Variants in GLIS3 observed in about 807,000 individuals in gnomAD.
The protein encoded by GLIS3 is GLIS family zinc finger 3, also known as zinc finger protein GLIS3.
GLIS3 carries 53 observed loss-of-function variants against 78.6 expected under a neutral mutation model. The observed-to-expected ratio is 0.67, with a 90% CI of 0.54 to 0.85. GLIS3 has a LOEUF of 0.85. Ranked by LOEUF, GLIS3 falls within the 40% of genes least tolerant of loss-of-function variation. The pLI, the probability that GLIS3 is intolerant of heterozygous loss-of-function variation, is 0.00. For synonymous variants in GLIS3, 684 were observed against 509.9 expected (o/e 1.34, Z -4.60); for missense variants, 1,703 against 1,231.1 (o/e 1.38, Z -5.74).
At chr9:4,453,713 C>A in the GLIS3 span, among the ~76,000 whole-genome samples, 4 of 152,146 alleles carry the variant, frequency 2.6e-5, no homozygotes, top group Non-Finnish European at 4.4e-5. Flanking sequence ...ATGGATGAAG[C>A]TGGAAACCAT....
intron 2 of GLIS3, among the ~76,000 whole-genome samples, chr9:4,256,156 C>T (rs527404126): frequency 6.6e-6 from 1 of 151,808 alleles, no homozygotes; most frequent in African/African-American, 2.4e-5. Context: ...GATGAGCGAC[C>T]CCAGGTAAAG....
At chr9:4,456,825 A>G in the GLIS3 span, among the ~76,000 whole-genome samples, 5 of 152,198 alleles carry the variant, frequency 3.3e-5, no homozygotes, top group Admixed American at 2.6e-4. Flanking sequence ...GAACATACAT[A>G]TTTATCAATT....
intron 9 of GLIS3, among the ~76,000 whole-genome samples, chr9:3,829,710 G>A (rs1817937628): frequency 6.6e-6 from 1 of 152,106 alleles, no homozygotes; most frequent in Non-Finnish European, 1.5e-5. Flanking sequence ...AGTGTGTAAT[G>A]TTTTTATTAT....
At chr9:3,850,730 C>G (rs996515442) in intron 9 of GLIS3, among the ~76,000 whole-genome samples, 4 of 152,160 alleles carry the variant, frequency 2.6e-5, no homozygotes, top group Non-Finnish European at 2.9e-5. Context: ...GTTCTCCATT[C>G]TCTTCCTCCT....
intron 3 of GLIS3, 113 bp downstream of exon 3, chr9:4,125,621 T>C: frequency 3.8e-6 from 3 of 784,016 alleles, no homozygotes; most frequent in South Asian, 1.4e-5. Context: ...TGCTTGAGTG[T>C]GTAAGTGTAT....
At chr9:4,392,826 A>G in the GLIS3 span, among the ~76,000 whole-genome samples, 1 of 152,318 alleles carries the variant, frequency 6.6e-6, no homozygotes, top group Non-Finnish European at 1.5e-5. Context: ...AAGTAGAAAC[A>G]CACAAGAGTA....
At chr9:4,322,599 C>T (rs1309869120) in intron 2 of GLIS3, among the ~76,000 whole-genome samples, 1 of 152,144 alleles carries the variant, frequency 6.6e-6, no homozygotes, top group Non-Finnish European at 1.5e-5. Flanking sequence ...TAATGATTGC[C>T]ATTCTAACAG....
At chr9:4,201,185 C>G (rs1041126184) in intron 2 of GLIS3, among the ~76,000 whole-genome samples, 23 of 152,110 alleles carry the variant, frequency 1.5e-4, no homozygotes, top group African/African-American at 5.5e-4. Flanking sequence ...GAACATACCT[C>G]AAAATAATCA....
intron 4 of GLIS3, among the ~76,000 whole-genome samples, chr9:4,033,003 G>A (rs1293826508): frequency 3.9e-5 from 6 of 152,016 alleles, no homozygotes; most frequent in Non-Finnish European, 5.9e-5. Flanking sequence ...ACAGGCGCCC[G>A]CCACCACGCC....
In GLIS3 at chr9:3,968,093, T is replaced by G. The variant is rs187023929; in HGVS notation, c.1711-30904A>C. 1.1e-3 allele frequency among the ~76,000 whole-genome samples: 174 copies of G among 152,338 alleles called. 1 individual carries two copies. The highest frequency in any genetic ancestry group is 2.1e-3 in the Non-Finnish European group (146 of 68,034). On this transcript the variant is annotated intron_variant, in intron 4 of 10. Coordinates refer to ENST00000381971, the MANE Select transcript of GLIS3 (RefSeq NM_001042413.2). ...CGAAGGTGTGGGCTAAAATACGATGTGGATTCTTGAGATCTCTGGGTTATA... is the reference window on the plus strand; with the variant it reads ...CGAAGGTGTGGGCTAAAATACGATGGGGATTCTTGAGATCTCTGGGTTATA...
intron 2 of GLIS3, among the ~76,000 whole-genome samples, chr9:4,311,175 G>A (rs1349364458): frequency 3.3e-5 from 5 of 152,226 alleles, no homozygotes; most frequent in Admixed American, 1.3e-4. Context: ...TTGGGAGGCT[G>A]AGGCAGGCGG....
intron 2 of GLIS3, among the ~76,000 whole-genome samples, chr9:4,165,708 T>C (rs561329204): frequency 6.6e-6 from 1 of 152,304 alleles, no homozygotes; most frequent in African/African-American, 2.4e-5. Context: ...GATGTGCCTA[T>C]GCAGATATCC....
chr9:3,897,440 T>C (rs1425931149), intron 7 of GLIS3, among the ~76,000 whole-genome samples: 1 of 144,060 alleles, frequency 6.9e-6, no homozygotes, highest in East Asian at 1.9e-4. Flanking sequence ...TTTTCATATA[T>C]ATATATATAT....
chr9:4,057,589 T>C (rs1343938891), intron 4 of GLIS3, among the ~76,000 whole-genome samples: 3 of 151,394 alleles, frequency 2.0e-5, no homozygotes, highest in East Asian at 1.9e-4. Flanking sequence ...AAAAGCACAA[T>C]GTAAAGTCAC....
At chr9:3,957,291 T>G (rs1490799419) in intron 4 of GLIS3, among the ~76,000 whole-genome samples, 1 of 152,246 alleles carries the variant, frequency 6.6e-6, no homozygotes, top group Admixed American at 6.5e-5. Flanking sequence ...GTATTTGGAT[T>G]GAATAACACT....
chr9:4,358,536 A>G, the GLIS3 span, among the ~76,000 whole-genome samples: 5 of 152,144 alleles, frequency 3.3e-5, no homozygotes, highest in African/African-American at 1.2e-4. Context: ...ATGTTCCAGC[A>G]CGTTTCTAGT....
chr9:3,879,465 C>A lies in GLIS3; in HGVS notation c.2259G>T (p.Gln753His), dbSNP rs767404630. ...CGTCCACAGCTGTGAGTGGAGGTAA[C>A]TGGGAGGAGGGGTTGTGAGGGCTCC... The part of the protein sequence containing the change: ...VQGSPHNPSS[Q>H]LPPLTAVDAG... The change falls in exon 8 of 11, where the codon CAG becomes CAT. Residue 753 changes from glutamine (Q) to histidine (H), a missense_variant. Transcript: ENST00000381971. 3 of 1,614,060 alleles carry A rather than the reference C, an allele frequency of 1.9e-6. No homozygotes were observed. In the South Asian group the frequency reaches 3.3e-5, roughly 18 times the overall value.
At chr9:4,390,448 C>T in the GLIS3 span, among the ~76,000 whole-genome samples, 4 of 152,092 alleles carry the variant, frequency 2.6e-5, no homozygotes, top group South Asian at 2.1e-4. Flanking sequence ...TCATTGTACC[C>T]GCAAACTTCT....
At chr9:4,212,678 G>T (rs759984619) in intron 2 of GLIS3, among the ~76,000 whole-genome samples, 4 of 152,212 alleles carry the variant, frequency 2.6e-5, no homozygotes, top group Admixed American at 6.5e-5. Context: ...CAAAGGAAAA[G>T]AGTTTTCCAT....
Sources: allele counts gnomAD v4.1 joint callset (sites outside exome capture counted in the v4.1 genomes callset), GRCh38; gene constraint gnomAD v4.1.1; transcripts MANE v1.5; gene names NCBI Gene and HGNC (gene_info 2026-07-23, HGNC 2026-07-21).